Variants in FAM171B observed in about 807,000 individuals in gnomAD.
The protein encoded by FAM171B is family with sequence similarity 171 member B.
In FAM171B, 19 loss-of-function variants were observed where a neutral mutation model predicts 75.6. That is an observed-to-expected ratio of 0.25 (90% CI 0.18 to 0.37). The LOEUF is 0.37. Among genes scored for constraint, FAM171B ranks in the 10% least tolerant of loss-of-function variants. FAM171B has a pLI of 1.00. For missense variants in FAM171B, 848 were observed against 982.4 expected, an observed-to-expected ratio of 0.86 and a Z score of 1.83; for synonymous variants, 367 against 361.7, an observed-to-expected ratio of 1.01 and a Z score of -0.17.
intron 1 of FAM171B, among the ~76,000 whole-genome samples, chr2:186,721,028 AT>A (rs1689946079): frequency 1.3e-5 from 2 of 152,212 alleles, no homozygotes; most frequent in Non-Finnish European, 2.9e-5. Context: ...AGCAATTTCA[AT>A]TCTTACTGTT....
At chr2:186,752,252 T>A (rs1388062796) in intron 5 of FAM171B, among the ~76,000 whole-genome samples, 1 of 152,156 alleles carries the variant, frequency 6.6e-6, no homozygotes, top group Non-Finnish European at 1.5e-5. Flanking sequence ...AGGTCACATG[T>A]TGAAGCTGGA....
intron 1 of FAM171B, among the ~76,000 whole-genome samples, chr2:186,714,052 A>G (rs1689842909): frequency 6.6e-6 from 1 of 152,078 alleles, no homozygotes; most frequent in Admixed American, 6.6e-5. Flanking sequence ...TTCCTTTGCT[A>G]GCCTTGGCAT....
At chr2:186,753,173 G>C (rs1325884993) in intron 5 of FAM171B, among the ~76,000 whole-genome samples, 4 of 151,922 alleles carry the variant, frequency 2.6e-5, no homozygotes, top group African/African-American at 9.7e-5. Flanking sequence ...TTTCAAGACA[G>C]AGTCTTGCCC....
intron 1 of FAM171B, among the ~76,000 whole-genome samples, chr2:186,733,231 A>C (rs1690146138): frequency 6.6e-6 from 1 of 152,202 alleles, no homozygotes; most frequent in Admixed American, 6.5e-5. Context: ...AGGTATATTG[A>C]GATTTTTGTG....
At chr2:186,708,015 G>A (rs1430957454) in intron 1 of FAM171B, among the ~76,000 whole-genome samples, 1 of 151,716 alleles carries the variant, frequency 6.6e-6, no homozygotes, top group Non-Finnish European at 1.5e-5. Context: ...ATCAGGCCAG[G>A]TACAATAATT....
intron 2 of FAM171B, among the ~76,000 whole-genome samples, chr2:186,740,726 G>T (rs1243205201): frequency 6.6e-6 from 1 of 152,080 alleles, no homozygotes; most frequent in East Asian, 1.9e-4. Flanking sequence ...TAAGATCAAG[G>T]TGCCAGCAGA....
chr2:186,736,567 G>GGGAGA (rs1690204173), intron 1 of FAM171B, among the ~76,000 whole-genome samples: 8 of 104,590 alleles, frequency 7.6e-5, no homozygotes, highest in Non-Finnish European at 1.4e-4. Flanking sequence ...TGTGTGTGTG[G>GGGAGA]GAGAGAGAGA....
At chr2:186,722,346 G>A (rs1256362531) in intron 1 of FAM171B, among the ~76,000 whole-genome samples, 1 of 151,988 alleles carries the variant, frequency 6.6e-6, no homozygotes, top group Non-Finnish European at 1.5e-5. Context: ...CAACTGACAA[G>A]CCTGTATACA....
chr2:186,712,334 T>G (rs1032346762), intron 1 of FAM171B, among the ~76,000 whole-genome samples: 8 of 152,202 alleles, frequency 5.3e-5, no homozygotes, highest in African/African-American at 1.4e-4. Flanking sequence ...TGTCCCAACA[T>G]ATGTTTAAAT....
intron 3 of FAM171B, among the ~76,000 whole-genome samples, chr2:186,744,082 A>G (rs942906487): frequency 6.6e-6 from 1 of 152,140 alleles, no homozygotes; most frequent in Non-Finnish European, 1.5e-5. Flanking sequence ...TACTGATTCA[A>G]ACTGTGTCCT....
At chr2:186,717,888 T>G (rs1308733810) in intron 1 of FAM171B, among the ~76,000 whole-genome samples, 1 of 152,198 alleles carries the variant, frequency 6.6e-6, no homozygotes, top group Non-Finnish European at 1.5e-5. Flanking sequence ...TGCTAGACTT[T>G]CCAGTCCTAT....
At chr2:186,695,875 A>C (rs779206838) in intron 1 of FAM171B, among the ~76,000 whole-genome samples, 60 of 152,164 alleles carry the variant, frequency 3.9e-4, no homozygotes, top group Admixed American at 2.0e-4. Flanking sequence ...ATTAATAGAG[A>C]TATTTCATAA....
Position 186,730,884 on chromosome 2 carries a change from G to C in FAM171B, c.239-9344G>C, listed in dbSNP as rs184946830. On this transcript the variant is annotated intron_variant, in intron 1 of 7. Coordinates refer to ENST00000304698, the MANE Select transcript of FAM171B (RefSeq NM_177454.4). ...AGCTTAAGATCTTACCACACATTGA[G>C]ATTTATCTGTAAATCCAAAGGCTCT... is the stretch of plus-strand genomic sequence containing the variant. 4.7e-4 allele frequency among the ~76,000 whole-genome samples: 71 copies of C among 152,074 alleles called. 1 individual carries two copies. Among genetic ancestry groups the C allele is most frequent in the Non-Finnish European group, 8.8e-5 (6 of 67,992 alleles).
intron 1 of FAM171B, among the ~76,000 whole-genome samples, chr2:186,702,364 C>G (rs973370381): frequency 1.3e-5 from 2 of 152,170 alleles, no homozygotes; most frequent in South Asian, 2.1e-4. Context: ...TATGAGACCA[C>G]CATTGTCATA....
chr2:186,753,890 T>C, intron 5 of FAM171B, 43 bp from the exon 6 acceptor site: 1 of 1,484,736 alleles, frequency 6.7e-7, no homozygotes, highest in Non-Finnish European at 9.4e-7. Flanking sequence ...CCATCAGTTC[T>C]TAAGATATAA....
At chr2:186,707,322 T>C (rs550795222) in intron 1 of FAM171B, among the ~76,000 whole-genome samples, 1 of 152,284 alleles carries the variant, frequency 6.6e-6, no homozygotes, top group Non-Finnish European at 1.5e-5. Context: ...ATCAGCAAAC[T>C]CCGTTTAGGA....
rs139647908 is a variant in FAM171B at position 186,740,438 on chromosome 2, C to T, written c.449C>T (p.Pro150Leu). Residue 150 changes from proline to leucine, a missense_variant, in exon 2 of 8, where the codon CCT becomes CTT. Physicochemically the swap from Pro to Leu is moderately conservative, Grantham distance 98 (BLOSUM62 -3). Coordinates refer to ENST00000304698, the MANE Select transcript of FAM171B (RefSeq NM_177454.4). ...GATGGCTACGTGTTGACCCCTCTGCCTTGGAAAACCAGAAGAATGCCAAGT... is the reference window on the plus strand; with the variant it reads ...GATGGCTACGTGTTGACCCCTCTGCTTTGGAAAACCAGAAGAATGCCAAGT... ...YKDGYVLTPL[P>L]WKTRRMPIYS... The T allele has an allele frequency of 1.9e-6, 3 of 1,611,520 alleles. No homozygotes were observed. In the African/African-American group the frequency reaches 4.0e-5, roughly 21 times the overall value.
chr2:186,733,655 T>A (rs1241992375), intron 1 of FAM171B, among the ~76,000 whole-genome samples: 1 of 151,706 alleles, frequency 6.6e-6, no homozygotes, highest in Non-Finnish European at 1.5e-5. Flanking sequence ...TGAGTGTGGG[T>A]GAGTGGGGGG....
chr2:186,759,169 T>C (rs1025067698), intron 6 of FAM171B, among the ~76,000 whole-genome samples: 2 of 152,176 alleles, frequency 1.3e-5, no homozygotes, highest in African/African-American at 4.8e-5. Context: ...ATTATGTACA[T>C]ATATCACATT....
Sources: allele counts gnomAD v4.1 joint callset (sites outside exome capture counted in the v4.1 genomes callset), GRCh38; gene constraint gnomAD v4.1.1; transcripts MANE v1.5; gene names NCBI Gene and HGNC (gene_info 2026-07-23, HGNC 2026-07-21).